Variants in PCDHA3 observed in about 807,000 individuals in gnomAD.
PCDHA3 encodes the protein protocadherin alpha-3.
In PCDHA3, 41 loss-of-function variants were observed where a neutral mutation model predicts 62.2. The observed-to-expected ratio is 0.66, with a 90% CI of 0.51 to 0.86. The LOEUF is 0.86. PCDHA3 is among the 40% of genes least tolerant of loss of function. The pLI is 0.00. For synonymous variants in PCDHA3, 640 were observed against 555.4 expected, an observed-to-expected ratio of 1.15 and a Z score of -2.14; for missense variants, 1,304 against 1,241.2, an observed-to-expected ratio of 1.05 and a Z score of -0.76.
chr5:140,967,019 C>T (rs887648506), intron 1 of PCDHA3: 1 of 1,607,542 alleles, frequency 6.2e-7, no homozygotes, highest in Non-Finnish European at 8.5e-7. Flanking sequence ...TCTGGGTGCG[C>T]CCAGTCCGCG....
intron 1 of PCDHA3, chr5:140,926,963 A>G (rs782460460): frequency 1.2e-6 from 2 of 1,605,984 alleles, no homozygotes; most frequent in South Asian, 2.2e-5. Context: ...CAGCTCGAGT[A>G]CTCAGTGCCG....
intron 1 of PCDHA3, chr5:140,871,583 T>C (rs782012993): frequency 2.0e-6 from 3 of 1,468,262 alleles, no homozygotes; most frequent in Non-Finnish European, 9.0e-7. Flanking sequence ...TAAGGGAAAG[T>C]TTTATGAATA....
Position 140,823,664 on chromosome 5 carries a change from T to A in PCDHA3, c.2394+20073T>A, listed in dbSNP as rs2150128054. On this transcript the variant is annotated intron_variant, in intron 1 of 3. Coordinates refer to ENST00000522353, the MANE Select transcript of PCDHA3 (RefSeq NM_018906.3). ...CGCGTGGGGCTGTACACAGGCGAGA[T>A]CAGCACAACACGCTCTCTGGATGAG... 16 of 1,613,856 alleles carry A rather than the reference T, an allele frequency of 9.9e-6. No individual in the cohort carries two copies. Among genetic ancestry groups the A allele is most frequent in the Middle Eastern group, 3.3e-4 (2 of 6,084 alleles).
At chr5:140,828,010 G>T in intron 1 of PCDHA3, 1 of 1,506,712 alleles carries the variant, frequency 6.6e-7, no homozygotes, top group South Asian at 1.3e-5. Context: ...CAGAAGAAAT[G>T]GATTAATAAA....
In PCDHA3 at chr5:140,857,385, A is replaced by T. The variant is rs1300471931; in HGVS notation, c.2394+53794A>T. On this transcript the variant is annotated intron_variant, in intron 1 of 3. Coordinates refer to ENST00000522353, the MANE Select transcript of PCDHA3 (RefSeq NM_018906.3). ...GCCAGCGTGTCTGTGGAGGTGGCCG[A>T]CGTGAACGACAACGCGCCTGCGTTC... The T allele has an allele frequency of 1.8e-5, 29 of 1,598,230 alleles. 2 individuals carry two copies. Among genetic ancestry groups the T allele is most frequent in the Non-Finnish European group, 2.3e-5 (27 of 1,167,886 alleles).
chr5:140,891,592 T>G (rs1162338197), intron 1 of PCDHA3, among the ~76,000 whole-genome samples: 1 of 152,216 alleles, frequency 6.6e-6, no homozygotes, highest in East Asian at 1.9e-4. Context: ...TATTACTCTA[T>G]CCCATCTATT....
In PCDHA3 at chr5:140,809,117, C is replaced by T. The variant is rs142688560; in HGVS notation, c.2394+5526C>T. On this transcript the variant is annotated intron_variant, in intron 1 of 3. Transcript: ENST00000522353. ...TGCCCTGGACGAAACGGACGCTCCG[C>T]GCCACCGCCTACTGGTACTGGTGAA... The T allele has an allele frequency of 1.0e-3, 1,659 of 1,613,872 alleles. 4 individuals carry two copies. Among genetic ancestry groups the T allele is most frequent in the Non-Finnish European group, 1.3e-3 (1,582 of 1,179,952 alleles).
At chr5:140,911,716 T>A (rs2075609522) in intron 1 of PCDHA3, among the ~76,000 whole-genome samples, 1 of 151,644 alleles carries the variant, frequency 6.6e-6, no homozygotes, top group Non-Finnish European at 1.5e-5. Context: ...TTTGTGTAAC[T>A]CTGTAAACAG....
At chr5:140,803,642 C>T in intron 1 of PCDHA3, 51 bp downstream of exon 1, 5 of 1,613,154 alleles carry the variant, frequency 3.1e-6, no homozygotes, top group Non-Finnish European at 3.4e-6. Context: ...TTTCATTCCT[C>T]AATGTTTCCA....
At chr5:140,993,569 A>G (rs1311165766) in intron 3 of PCDHA3, among the ~76,000 whole-genome samples, 1 of 151,734 alleles carries the variant, frequency 6.6e-6, no homozygotes, top group East Asian at 1.9e-4. Flanking sequence ...TATCCTTTCT[A>G]GGGATGCTTT....
At chr5:140,948,764 G>A (rs962710607) in intron 1 of PCDHA3, among the ~76,000 whole-genome samples, 11 of 150,728 alleles carry the variant, frequency 7.3e-5, no homozygotes, top group East Asian at 3.9e-4. Context: ...GATTTTTTTC[G>A]AATAGCCAGC....
chr5:140,814,824 T>G (rs1554126612), intron 1 of PCDHA3: 2 of 152,246 alleles, frequency 1.3e-5, no homozygotes, highest in Non-Finnish European at 2.9e-5. Context: ...TTGCTATCTA[T>G]TTCTCCATTT....
intron 1 of PCDHA3, among the ~76,000 whole-genome samples, chr5:140,846,372 TC>T (rs146357297): frequency 0.2 from 13,294 of 65,432 alleles, 1,456 homozygotes; most frequent in African/African-American, 0.26. Flanking sequence ...TTTCTTTCTT[TC>T]TTTTTTTTTT....
intron 1 of PCDHA3, among the ~76,000 whole-genome samples, chr5:140,891,916 G>T (rs1336108155): frequency 6.6e-6 from 1 of 152,170 alleles, no homozygotes; most frequent in Non-Finnish European, 1.5e-5. Context: ...ACCAGATGCT[G>T]GTGCCTTGAT....
At chr5:140,958,888 A>G (rs1563299951) in intron 1 of PCDHA3, among the ~76,000 whole-genome samples, 3 of 152,040 alleles carry the variant, frequency 2.0e-5, no homozygotes, top group African/African-American at 7.2e-5. Flanking sequence ...ACCAGTAGCT[A>G]TATAATAGAT....
chr5:140,839,001 C>T (rs1775989279), intron 1 of PCDHA3, among the ~76,000 whole-genome samples: 1 of 151,970 alleles, frequency 6.6e-6, no homozygotes, highest in Admixed American at 6.6e-5. Context: ...TTCTAATATA[C>T]TTTAGTAAAT....
chr5:140,892,573 A>G (rs1299586046), intron 1 of PCDHA3, among the ~76,000 whole-genome samples: 1 of 152,210 alleles, frequency 6.6e-6, no homozygotes, highest in Non-Finnish European at 1.5e-5. Context: ...TGTCAAAAGT[A>G]TATCTCAGTA....
intron 1 of PCDHA3, chr5:140,870,038 A>G (rs1268813918): frequency 8.1e-6 from 13 of 1,613,620 alleles, no homozygotes; most frequent in Non-Finnish European, 1.1e-5. Flanking sequence ...TATGAAGAAA[A>G]CAAGTTTTAT....
chr5:140,979,870 A>G (rs376036380), intron 2 of PCDHA3, among the ~76,000 whole-genome samples: 2 of 152,388 alleles, frequency 1.3e-5, no homozygotes, highest in South Asian at 2.1e-4. Context: ...TATCTGGGCA[A>G]CTATCAAGTG....
Sources: allele counts gnomAD v4.1 joint callset (sites outside exome capture counted in the v4.1 genomes callset), GRCh38; gene constraint gnomAD v4.1.1; transcripts MANE v1.5; gene names NCBI Gene and HGNC (gene_info 2026-07-23, HGNC 2026-07-21).